The following USP6 variants were observed in gnomAD, a reference collection of about 807,000 sequenced individuals.
The protein encoded by USP6 is ubiquitin specific peptidase 6, also known as ubiquitin carboxyl-terminal hydrolase 6.
A neutral mutation model predicts 175.7 loss-of-function variants in USP6; 128 were observed. The observed-to-expected ratio is 0.73, with a 90% confidence interval of 0.63 to 0.84. The LOEUF is 0.84. Among genes scored for constraint, USP6 ranks in the 40% least tolerant of loss-of-function variants. USP6 has a pLI of 0.00. For missense variants in USP6, 1,498 were observed against 1,760.3 expected (o/e 0.85, Z 2.67); for synonymous variants, 562 against 630.6 (o/e 0.89, Z 1.63).
chr17:5,159,020 A>T (rs1205810943), intron 31 of USP6, among the ~76,000 whole-genome samples: 3 of 152,212 alleles, frequency 2.0e-5, no homozygotes, highest in Non-Finnish European at 4.4e-5. Flanking sequence ...GGGGTATTTC[A>T]TTGCATAGTT....
At position 5,147,215 on chromosome 17, in the gene USP6, C is replaced by A. The variant is rs1299621709; in HGVS notation, c.2431+21C>A. 1.9e-6 allele frequency: 3 copies of A among 1,579,924 alleles called. No individual in the cohort carries two copies. The East Asian group carries it at 6.8e-5, about 36-fold the overall frequency. On this transcript the variant is annotated intron_variant, in intron 29 of 37. Coordinates refer to ENST00000574788, the MANE Select transcript of USP6 (RefSeq NM_001304284.2). ...AATAGGTAAGATAGAACTAGAACTC[C>A]TTCTCATGACTGCACCTTTAAATAT...
At chr17:5,147,440 A>G (rs1034835219) in intron 29 of USP6, among the ~76,000 whole-genome samples, 3 of 152,202 alleles carry the variant, frequency 2.0e-5, no homozygotes, top group African/African-American at 7.2e-5. Flanking sequence ...CTCTTTGAAC[A>G]TTTATCTAAT....
In USP6 at chr17:5,173,131, T is replaced by A; in HGVS notation, c.*153T>A. ...TAATTAAAATAGTTAACTTGAAGAGTAGAAACAATTGTATTTTGAAGTCTC... is the reference window on the plus strand; with the variant it reads ...TAATTAAAATAGTTAACTTGAAGAGAAGAAACAATTGTATTTTGAAGTCTC... On this transcript the variant is annotated 3_prime_UTR_variant, in exon 38 of 38. Coordinates refer to ENST00000574788, the MANE Select transcript of USP6 (RefSeq NM_001304284.2). The A allele has an allele frequency of 1.0e-6, 1 of 1,001,194 alleles. No individual in the cohort carries two copies. Among genetic ancestry groups the A allele is most frequent in the Non-Finnish European group, 1.4e-6 (1 of 697,898 alleles). The allele number at this position is 1,001,194 out of a possible 1,614,324, so 62.0% of individuals were successfully genotyped here.
chr17:5,166,116 G>A (rs965744432), intron 33 of USP6, among the ~76,000 whole-genome samples: 13 of 152,058 alleles, frequency 8.5e-5, no homozygotes, highest in Non-Finnish European at 1.9e-4. Flanking sequence ...GATACAGCAC[G>A]TTTCCTTTTG....
intron 29 of USP6, among the ~76,000 whole-genome samples, chr17:5,147,449 A>G (rs1311595231): frequency 1.3e-5 from 2 of 152,178 alleles, no homozygotes; most frequent in African/African-American, 2.4e-5. Flanking sequence ...CATTTATCTA[A>G]TACTAACATG....
chr17:5,136,287 C>G (rs2073250977), intron 17 of USP6, among the ~76,000 whole-genome samples: 2 of 152,226 alleles, frequency 1.3e-5, no homozygotes, highest in Non-Finnish European at 2.9e-5. Flanking sequence ...ATGGGCTGAC[C>G]AAGCCCAGGT....
chr17:5,136,015 A>G (rs2143887447), intron 17 of USP6, 87 bp downstream of exon 17: 1 of 1,587,404 alleles, frequency 6.3e-7, no homozygotes, highest in South Asian at 1.1e-5. Context: ...CAGCCAAGGC[A>G]CACTCCTTGT....
Position 5,146,155 on chromosome 17 carries a change from T to G in USP6, c.2300T>G (p.Val767Gly). 1 of 1,610,246 alleles carries G rather than the reference T, an allele frequency of 6.2e-7. No homozygotes were observed. Among genetic ancestry groups the G allele is most frequent in the Non-Finnish European group, 8.5e-7 (1 of 1,178,254 alleles). Residue 767 changes from valine (V) to glycine (G), a missense_variant, in exon 28 of 38, where the codon GTA becomes GGA. Transcript: ENST00000574788. ...TCAGAACAAATCCTACTAGCAGAAG[T>G]ACATGATTCCAACATAAAGGTAATG... Reference protein sequence around the residue: ...LNSEQILLAEVHDSNIKNFPQ... With the variant: ...LNSEQILLAEGHDSNIKNFPQ...
In USP6 at chr17:5,138,166, G is replaced by C; in HGVS notation, c.971G>C (p.Arg324Pro). ...AGGTGTGGCCTGTGGGCACGTCTGC[G>C]GAACCAATTCTTCGATACCTGGGCC... ...TSRCGLWARLRNQFFDTWAMN... is the reference protein window; with the variant it reads ...TSRCGLWARLPNQFFDTWAMN... Residue 324 changes from arginine (R) to proline (P), a missense_variant, in exon 21 of 38, where the codon CGG becomes CCG. Coordinates refer to ENST00000574788, the MANE Select transcript of USP6 (RefSeq NM_001304284.2). The C allele has an allele frequency of 6.2e-7, 1 of 1,614,062 alleles. No individual in the cohort carries two copies. Among genetic ancestry groups the C allele is most frequent in the Non-Finnish European group, 8.5e-7 (1 of 1,179,982 alleles).
intron 19 of USP6, 49 bp downstream of exon 19, chr17:5,137,235 A>G (rs1420423664): frequency 6.2e-7 from 1 of 1,602,038 alleles, no homozygotes; most frequent in Middle Eastern, 2.1e-4. Context: ...CTTGCCCTGC[A>G]GTGCCGTGCT....
At chr17:5,147,372 C>CCCAAGTG (rs2073642396) in intron 29 of USP6, among the ~76,000 whole-genome samples, 178 bp downstream of exon 29, 1 of 152,134 alleles carries the variant, frequency 6.6e-6, no homozygotes, top group South Asian at 2.1e-4. Context: ...ATTTAGAGAA[C>CCCAAGTG]CCAAGTGACT....
rs879095572 is a variant in USP6 at position 5,130,054 on chromosome 17, C to A, written c.-37C>A. ...AATAGACCATCACAGGCTCTTCACC[C>A]TTGGCAGGTGGACACCATTCAACCT... On this transcript the variant is annotated 5_prime_UTR_variant, in exon 9 of 38. Coordinates refer to ENST00000574788, the MANE Select transcript of USP6 (RefSeq NM_001304284.2). 5.3e-6 allele frequency: 2 copies of A among 380,564 alleles called. No individual in the cohort carries two copies. Among genetic ancestry groups the A allele is most frequent in the South Asian group, 2.5e-5 (1 of 39,496 alleles). 23.6% of individuals were successfully genotyped at this position (380,564 alleles called of 1,614,324 possible). A position where few individuals can be genotyped will look rare whatever the true frequency, so the allele number is the denominator to read the frequency against.
chr17:5,142,241 T>C, intron 24 of USP6, 100 bp downstream of exon 24: 1 of 1,542,416 alleles, frequency 6.5e-7, no homozygotes, highest in Non-Finnish European at 8.7e-7. Context: ...AGAAAGATTT[T>C]ATCTTATTTG....
intron 30 of USP6, among the ~76,000 whole-genome samples, chr17:5,149,366 G>A (rs1001994772): frequency 1.3e-5 from 2 of 152,108 alleles, no homozygotes; most frequent in African/African-American, 4.8e-5. Flanking sequence ...TTGTGCCACA[G>A]CACTCCAGCC....
chr17:5,172,680 A>G (rs2074252725), intron 37 of USP6, 125 bp from the exon 38 acceptor site: 2 of 1,353,400 alleles, frequency 1.5e-6, no homozygotes, highest in East Asian at 2.3e-5. Context: ...GAGACAGCCA[A>G]ACTAGTGAGC....
chr17:5,164,636 T>C (rs1396752229), intron 33 of USP6, among the ~76,000 whole-genome samples: 1 of 152,246 alleles, frequency 6.6e-6, no homozygotes, highest in African/African-American at 2.4e-5. Context: ...CTTACCCTAC[T>C]TCCACTTTCA....
intron 23 of USP6, 137 bp downstream of exon 23, chr17:5,141,636 G>A (rs1301147708): frequency 1.3e-6 from 1 of 756,910 alleles, no homozygotes. Context: ...TTTTCCTGAA[G>A]CAGCATTTGA....
chr17:5,124,219 C>T (rs2072816590), intron 4 of USP6, among the ~76,000 whole-genome samples: 1 of 152,170 alleles, frequency 6.6e-6, no homozygotes, highest in African/African-American at 2.4e-5. Flanking sequence ...AGTGAGTGGG[C>T]TGAAGCACCC....
chr17:5,155,669 A>T, intron 31 of USP6, 63 bp downstream of exon 31: 1 of 1,535,280 alleles, frequency 6.5e-7, no homozygotes, highest in Non-Finnish European at 8.8e-7. Context: ...ATTTATATGA[A>T]TTCTACATGA....
Sources: gnomAD v4.1 joint callset for allele counts (sites outside exome capture counted in the v4.1 genomes callset) on GRCh38, gnomAD v4.1.1 for gene constraint, MANE v1.5 for transcripts, NCBI Gene and HGNC (gene_info 2026-07-23, HGNC 2026-07-21) for gene names.